Variants in RAPGEF2 observed in about 807,000 individuals in gnomAD.
RAPGEF2 encodes PDZ domain containing guanine nucleotide exchange factor (GEF) 1.
RAPGEF2 carries 54 observed loss-of-function variants against 186.7 expected under a neutral mutation model. That is an observed-to-expected ratio of 0.29 (90% CI 0.23 to 0.36). The LOEUF is 0.36. Ranked by LOEUF, RAPGEF2 falls within the 10% of genes least tolerant of loss-of-function variation. The pLI is 1.00. For synonymous variants in RAPGEF2, 712 were observed against 705.9 expected, an observed-to-expected ratio of 1.01 and a Z score of -0.14; for missense variants, 1,532 against 2,045.0, an observed-to-expected ratio of 0.75 and a Z score of 4.84.
chr4:159,154,643 A>C (rs774695387), intron 1 of RAPGEF2, among the ~76,000 whole-genome samples: 1 of 152,172 alleles, frequency 6.6e-6, no homozygotes, highest in Non-Finnish European at 1.5e-5. Flanking sequence ...ATAATTTGTA[A>C]AATAATCTGC....
rs556694030 is a variant in RAPGEF2, at chr4:159,151,295, T to C, written c.70-35347T>C. Among the ~76,000 whole-genome samples, 4 of 152,348 alleles carry C rather than the reference T, an allele frequency of 2.6e-5. No individual in the cohort carries two copies. In the South Asian group the frequency reaches 6.2e-4, roughly 24 times the overall value. On this transcript the variant is annotated intron_variant, in intron 1 of 29. Transcript: ENST00000691494. Reference sequence around the variant, plus strand: ...ACAGCTGCAGTCAATGATAAACGCTTATCTCAGGAGTCCAGGTCAGTTTGG... The same window carrying C: ...ACAGCTGCAGTCAATGATAAACGCTCATCTCAGGAGTCCAGGTCAGTTTGG...
intron 1 of RAPGEF2, among the ~76,000 whole-genome samples, chr4:159,112,943 T>C (rs1738652837): frequency 1.3e-5 from 2 of 152,182 alleles, no homozygotes; most frequent in African/African-American, 2.4e-5. Flanking sequence ...TAATAAGACA[T>C]GTCAACATCA....
intron 1 of RAPGEF2, among the ~76,000 whole-genome samples, chr4:159,186,269 A>G (rs938866204): frequency 1.3e-5 from 2 of 152,044 alleles, no homozygotes; most frequent in African/African-American, 4.8e-5. Flanking sequence ...TTCATTTTAT[A>G]TTGACTAAGA....
rs1732520005 is a variant in RAPGEF2 at position 159,359,722 on chromosome 4, T to C, written c.*1583T>C. On this transcript the variant is annotated 3_prime_UTR_variant, in exon 30 of 30. Transcript: ENST00000691494. The stretch of plus-strand genomic sequence containing the variant: ...TCTCTTCTGTATCATGGCATTTGTC[T>C]ACTTGCTTATTACATTGTCAATTAT... The C allele has an allele frequency of 6.6e-6, 1 of 152,262 alleles. No homozygotes were observed. The highest frequency in any genetic ancestry group is 2.4e-5 in the African/African-American group (1 of 41,474). 9.4% of individuals were successfully genotyped at this position (152,262 alleles called of 1,614,324 possible).
chr4:159,104,931 A>G (rs1326015421), intron 1 of RAPGEF2, among the ~76,000 whole-genome samples: 1 of 152,250 alleles, frequency 6.6e-6, no homozygotes, highest in African/African-American at 2.4e-5. Context: ...ACATAGCTGC[A>G]GAGCAGGCAT....
At chr4:159,267,913 A>C (rs544368650) in intron 7 of RAPGEF2, 2 of 1,246,348 alleles carry the variant, frequency 1.6e-6, no homozygotes, top group African/African-American at 3.1e-5. Flanking sequence ...ATAGCCTAGG[A>C]TGGTTAGAGT....
intron 1 of RAPGEF2, among the ~76,000 whole-genome samples, chr4:159,176,654 T>C (rs1746477784): frequency 6.6e-6 from 1 of 152,208 alleles, no homozygotes; most frequent in Admixed American, 6.5e-5. Context: ...CATCCACAGA[T>C]GAAAAAATAT....
At chr4:159,223,334 C>T (rs920695477) in intron 4 of RAPGEF2, among the ~76,000 whole-genome samples, 3 of 152,134 alleles carry the variant, frequency 2.0e-5, no homozygotes, top group Non-Finnish European at 4.4e-5. Flanking sequence ...ATACTTCTAT[C>T]TACTTTATTG....
chr4:159,353,452 T>C lies in RAPGEF2; in HGVS notation c.4092-35T>C. 1 of 1,401,926 alleles carries C rather than the reference T, an allele frequency of 7.1e-7. No individual in the cohort carries two copies. 86.8% of individuals were successfully genotyped at this position (1,401,926 alleles called of 1,614,324 possible). A position where few individuals can be genotyped will look rare whatever the true frequency, so the allele number is the denominator to read the frequency against. On this transcript the variant is annotated intron_variant, in intron 27 of 29. Coordinates refer to ENST00000691494, the MANE Select transcript of RAPGEF2 (RefSeq NM_001394067.2). The surrounding 1 kb of genome is among the most constrained non-coding windows in gnomAD (Gnocchi z 4.3). ...TAGGTGAATTAGTTATCAATCTTGTTTTTTTTTTCTTTTCCATTTCTTTTA... is the reference window on the plus strand; with the variant it reads ...TAGGTGAATTAGTTATCAATCTTGTCTTTTTTTTCTTTTCCATTTCTTTTA...
At chr4:159,285,912 A>C (rs1760396928) in intron 7 of RAPGEF2, among the ~76,000 whole-genome samples, 1 of 152,148 alleles carries the variant, frequency 6.6e-6, no homozygotes, top group African/African-American at 2.4e-5. Flanking sequence ...CAATTGGTTG[A>C]TTATAATTTT....
intron 7 of RAPGEF2, among the ~76,000 whole-genome samples, chr4:159,286,232 A>G (rs1760475850): frequency 6.6e-6 from 1 of 151,678 alleles, no homozygotes; most frequent in South Asian, 2.1e-4. Flanking sequence ...GGTTGCTCAA[A>G]CCTCTGTATC....
At chr4:159,329,807 G>C in intron 11 of RAPGEF2, 51 bp from the exon 12 acceptor site, 1 of 1,495,452 alleles carries the variant, frequency 6.7e-7, no homozygotes, top group South Asian at 1.2e-5. Context: ...AGTACTGCTA[G>C]GTCTTTTGCA....
chr4:159,241,152 A>G, intron 5 of RAPGEF2, 49 bp from the exon 6 acceptor site: 1 of 1,343,940 alleles, frequency 7.4e-7, no homozygotes, highest in Non-Finnish European at 9.7e-7. Flanking sequence ...TAATATTAAT[A>G]GGAAATGTTG....
chr4:159,282,550 G>T (rs1454193679), intron 7 of RAPGEF2: 1 of 419,366 alleles, frequency 2.4e-6, no homozygotes, highest in African/African-American at 2.1e-5. Flanking sequence ...TCATTATGTG[G>T]ATACAAATTC....
chr4:159,166,656 G>T (rs879614484), intron 1 of RAPGEF2, among the ~76,000 whole-genome samples: 1 of 152,116 alleles, frequency 6.6e-6, no homozygotes, highest in Non-Finnish European at 1.5e-5. Flanking sequence ...TATGGTCCCT[G>T]TATGGGAGCA....
chr4:159,354,939 T>A (rs1296635617), intron 28 of RAPGEF2, among the ~76,000 whole-genome samples: 1 of 152,244 alleles, frequency 6.6e-6, no homozygotes, highest in African/African-American at 2.4e-5. Flanking sequence ...TTCTGGAGTA[T>A]AATCATTACG....
rs748894910 is a variant in RAPGEF2 at position 159,332,529 on chromosome 4, A to G, written c.1967A>G (p.Lys656Arg). ...APHLPKIGDI[K>R]KASRYSIPDL... is the part of the protein sequence containing the mutation. ...CACCTTCCTAAAATTGGTGACATTAAAAAGGCCAGTCGCTACTCCATTCCA... is the reference window on the plus strand; with the variant it reads ...CACCTTCCTAAAATTGGTGACATTAGAAAGGCCAGTCGCTACTCCATTCCA... The change falls in exon 17 of 30, where the codon AAA (lysine) becomes AGA (arginine). Residue 656 changes from lysine (K) to arginine (R), a missense_variant. Lys to Arg is a conservative substitution (Grantham distance 26, BLOSUM62 2). Around this residue, in one of 4 missense-constraint regions of RAPGEF2, gnomAD observed 810 missense variants for 1,210.5 expected, o/e 0.67. Transcript: ENST00000691494. 1 of 1,614,184 alleles carries G rather than the reference A, an allele frequency of 6.2e-7. No individual in the cohort carries two copies. The highest frequency in any genetic ancestry group is 8.5e-7 in the Non-Finnish European group (1 of 1,180,022).
Position 159,314,749 on chromosome 4 carries a change from C to A in RAPGEF2, c.834C>A (p.Asp278Glu), listed in dbSNP as rs1337892769. Residue 278 changes from aspartate (D) to glutamate (E), a missense_variant, in exon 9 of 30, where the codon GAC becomes GAA. Physicochemically the swap from Asp to Glu is conservative, Grantham distance 45. This residue lies in a region of RAPGEF2 where 810 missense variants were observed against 1,210.5 expected (regional missense o/e 0.67). Coordinates refer to ENST00000691494, the MANE Select transcript of RAPGEF2 (RefSeq NM_001394067.2). ...VRDCLEKDPI[D>E]RTDDDIEQLL... ...ACTGCCTAGAGAAGGACCCAATTGA[C>A]CGGACAGATGATGACATTGGTAAGC... The A allele has an allele frequency of 4.4e-6, 7 of 1,606,600 alleles. No homozygotes were observed. The highest frequency in any genetic ancestry group is 5.9e-6 in the Non-Finnish European group (7 of 1,177,704).
intron 9 of RAPGEF2, among the ~76,000 whole-genome samples, chr4:159,318,708 G>A (rs879816038): frequency 6.6e-6 from 1 of 152,028 alleles, no homozygotes; most frequent in Non-Finnish European, 1.5e-5. Flanking sequence ...GTTTGACACA[G>A]TAAAGTAGAA....
Sources: gnomAD v4.1 joint callset for allele counts (sites outside exome capture counted in the v4.1 genomes callset) on GRCh38, gnomAD v4.1.1 for gene constraint, gnomAD v4.1.1 regional missense constraint, Gnocchi (gnomAD v3.1) non-coding constraint, MANE v1.5 for transcripts, NCBI Gene and HGNC (gene_info 2026-07-23, HGNC 2026-07-21) for gene names.